Variants in ZNF385D observed in about 807,000 individuals in gnomAD.
The protein encoded by ZNF385D is zinc finger protein 659.
In ZNF385D, 15 loss-of-function variants were observed where a neutral mutation model predicts 35.8. That is an observed-to-expected ratio of 0.42 (90% confidence interval 0.28 to 0.64). The LOEUF is 0.64. ZNF385D is among the 30% of genes least tolerant of loss of function. The probability of loss-of-function intolerance (pLI) is 0.23; values close to 1 mark genes in which losing one functional copy is unlikely to be tolerated. For synonymous variants in ZNF385D, 212 were observed against 186.8 expected (o/e 1.13, Z -1.10); for missense variants, 474 against 494.6 (o/e 0.96, Z 0.39).
At chr3:22,296,630 T>A (rs1381855670) in intron 2 of ZNF385D, among the ~76,000 whole-genome samples, 1 of 152,106 alleles carries the variant, frequency 6.6e-6, no homozygotes, top group Non-Finnish European at 1.5e-5. Flanking sequence ...CTGAGTTAGA[T>A]ACTGAAGGAC....
chr3:21,677,141 C>T (rs11718610), intron 1 of ZNF385D, among the ~76,000 whole-genome samples: 7,667 of 152,094 alleles, frequency 0.05, 278 homozygotes, highest in East Asian at 0.13. Context: ...ATGAAAGGGA[C>T]GCAAATAATC....
chr3:21,868,760 A>G (rs1684509), intron 3 of ZNF385D, among the ~76,000 whole-genome samples: 137,341 of 152,154 alleles, frequency 0.9, 62,340 homozygotes, highest in Middle Eastern at 0.93. Context: ...CATCTAAATA[A>G]GTTAGAAGAT....
At chr3:21,888,381 C>A (rs946482346) in intron 3 of ZNF385D, among the ~76,000 whole-genome samples, 6 of 151,992 alleles carry the variant, frequency 3.9e-5, no homozygotes, top group African/African-American at 1.4e-4. Context: ...AGACCACTAG[C>A]ACTGAATTGA....
intron 1 of ZNF385D, among the ~76,000 whole-genome samples, chr3:21,737,996 G>C (rs2069328373): frequency 2.0e-5 from 3 of 152,212 alleles, no homozygotes; most frequent in Admixed American, 2.0e-4. Flanking sequence ...AGAATTACAG[G>C]GGTTGGTGCT....
At chr3:22,247,002 A>G (rs935361105) in intron 2 of ZNF385D, among the ~76,000 whole-genome samples, 1 of 152,154 alleles carries the variant, frequency 6.6e-6, no homozygotes, top group African/African-American at 2.4e-5. Context: ...TTAAACATTC[A>G]CCATATACAC....
chr3:22,120,478 G>A (rs1703034969), intron 3 of ZNF385D, among the ~76,000 whole-genome samples: 1 of 152,014 alleles, frequency 6.6e-6, no homozygotes, highest in South Asian at 2.1e-4. Context: ...CTCAAATAGT[G>A]TCACACTGGG....
At chr3:21,561,449 C>T (rs1179961560) in intron 3 of ZNF385D, among the ~76,000 whole-genome samples, 1 of 152,216 alleles carries the variant, frequency 6.6e-6, no homozygotes, top group Non-Finnish European at 1.5e-5. Context: ...CCCCACCCTG[C>T]TTCTGCTCGC....
At chr3:21,840,162 T>G (rs932096106) in intron 3 of ZNF385D, among the ~76,000 whole-genome samples, 1 of 152,108 alleles carries the variant, frequency 6.6e-6, no homozygotes, top group Non-Finnish European at 1.5e-5. Context: ...TGTTTTAAAC[T>G]GAATTTGTAT....
Position 22,212,054 on chromosome 3 carries a change from A to G in ZNF385D, c.107-43019T>C, listed in dbSNP as rs78680994. Among the ~76,000 whole-genome samples, 754 of 152,130 alleles carry G rather than the reference A, an allele frequency of 5.0e-3. 4 individuals carry two copies. The highest frequency in any genetic ancestry group is 0.017 in the African/African-American group (719 of 41,550). ...TCCTCTAAGATGTACTGCAATAGGG[A>G]AAGTGTAGTACTTTTGCAGCACCAG... On this transcript the variant is annotated intron_variant, in intron 2 of 5. Coordinates refer to the ZNF385D transcript ENST00000494108.
At chr3:22,341,980 A>G (rs1695439986) in intron 2 of ZNF385D, among the ~76,000 whole-genome samples, 1 of 152,190 alleles carries the variant, frequency 6.6e-6, no homozygotes, top group African/African-American at 2.4e-5. Flanking sequence ...TTAATGAATT[A>G]AAAGACTGAA....
chr3:21,622,980 T>A (rs2065046497), intron 2 of ZNF385D, among the ~76,000 whole-genome samples: 1 of 152,082 alleles, frequency 6.6e-6, no homozygotes, highest in Non-Finnish European at 1.5e-5. Context: ...GAAAAAAAGA[T>A]GATGCTAAGA....
At chr3:21,606,012 C>T (rs1191645126) in intron 2 of ZNF385D, among the ~76,000 whole-genome samples, 2 of 152,228 alleles carry the variant, frequency 1.3e-5, no homozygotes, top group Non-Finnish European at 2.9e-5. Context: ...CTGACTTTCT[C>T]TTGTGTCCTC....
chr3:21,765,517 T>G (rs1315059659), intron 3 of ZNF385D, among the ~76,000 whole-genome samples: 1 of 152,086 alleles, frequency 6.6e-6, no homozygotes, highest in Non-Finnish European at 1.5e-5. Flanking sequence ...CAATCATGTT[T>G]GTTCTCAAAA....
intron 3 of ZNF385D, among the ~76,000 whole-genome samples, chr3:22,165,324 T>C (rs1191556531): frequency 6.6e-6 from 1 of 152,164 alleles, no homozygotes; most frequent in Non-Finnish European, 1.5e-5. Context: ...AAAAATAGTC[T>C]ATTAAGAAAA....
At chr3:21,942,108 A>G (rs1485078243) in intron 3 of ZNF385D, among the ~76,000 whole-genome samples, 1 of 145,184 alleles carries the variant, frequency 6.9e-6, no homozygotes, top group Non-Finnish European at 1.5e-5. Context: ...TAACACTTTA[A>G]CTTTATGTGT....
chr3:22,010,910 C>A (rs1361556501), intron 3 of ZNF385D, among the ~76,000 whole-genome samples: 1 of 152,102 alleles, frequency 6.6e-6, no homozygotes, highest in Admixed American at 6.5e-5. Context: ...CTCCCATCCT[C>A]CCACCACTCA....
At chr3:21,524,289 C>T (rs558156155) in intron 3 of ZNF385D, among the ~76,000 whole-genome samples, 6 of 152,222 alleles carry the variant, frequency 3.9e-5, no homozygotes, top group African/African-American at 1.4e-4. Context: ...GTAACTGAAG[C>T]CACTGGGAAA....
At chr3:22,280,842 G>C (rs1234928508) in intron 2 of ZNF385D, among the ~76,000 whole-genome samples, 2 of 151,924 alleles carry the variant, frequency 1.3e-5, no homozygotes, top group African/African-American at 2.4e-5. Flanking sequence ...TTAATTTGTA[G>C]ATTGCTTTTG....
At chr3:22,334,521 T>C (rs369161636) in intron 2 of ZNF385D, among the ~76,000 whole-genome samples, 7 of 152,288 alleles carry the variant, frequency 4.6e-5, no homozygotes, top group South Asian at 4.1e-4. Context: ...CTAGTATCAT[T>C]ATACTTCTGA....
Sources: gnomAD v4.1 joint callset for allele counts (sites outside exome capture counted in the v4.1 genomes callset) on GRCh38, gnomAD v4.1.1 for gene constraint, MANE v1.5 for transcripts, NCBI Gene and HGNC (gene_info 2026-07-23, HGNC 2026-07-21) for gene names.